MCC: variants seen among roughly 807,000 people sequenced by gnomAD.
The protein encoded by MCC is colorectal mutant cancer protein.
MCC carries 90 observed loss-of-function variants against 116.2 expected under a neutral mutation model. The observed-to-expected ratio is 0.77, with a 90% CI of 0.65 to 0.92. The LOEUF (loss-of-function observed/expected upper bound fraction) is 0.92, where lower values mean the gene tolerates loss of function less well. Among genes scored for constraint, MCC ranks in the 40% least tolerant of loss-of-function variants. The probability of loss-of-function intolerance (pLI) is 0.00; values close to 1 mark genes in which losing one functional copy is unlikely to be tolerated. For synonymous variants in MCC, 578 were observed against 510.5 expected (o/e 1.13, Z -1.78); for missense variants, 1,516 against 1,312.2 (o/e 1.16, Z -2.40).
At chr5:113,284,255 T>A (rs1766161166) in intron 3 of MCC, among the ~76,000 whole-genome samples, 1 of 152,132 alleles carries the variant, frequency 6.6e-6, no homozygotes, top group Non-Finnish European at 1.5e-5. Flanking sequence ...GAGGCTGAGG[T>A]GGGACGATCA....
In MCC at chr5:113,026,292, G is replaced by C. The variant is rs1750543700; in HGVS notation, c.*1010C>G. 1 of 152,200 alleles carries C rather than the reference G, an allele frequency of 6.6e-6. No homozygotes were observed. Among genetic ancestry groups the C allele is most frequent in the Non-Finnish European group, 1.5e-5 (1 of 68,046 alleles). The allele number at this position is 152,200 out of a possible 1,614,324, so 9.4% of individuals were successfully genotyped here. On this transcript the variant is annotated 3_prime_UTR_variant, in exon 19 of 19. Transcript: ENST00000408903. ...GGGGGTTACACAGCACTCTTAAGTA[G>C]GCGTGATAAGTTTTGCAAAATGTTC...
At chr5:113,385,347 T>C in intron 1 of MCC, 135 bp from the exon 2 acceptor site, 1 of 936,862 alleles carries the variant, frequency 1.1e-6, no homozygotes, top group Non-Finnish European at 1.6e-6. Context: ...TCATTGTTTC[T>C]AGAAAAGTGA....
At chr5:113,064,850 T>C (rs1194463481) in intron 13 of MCC, among the ~76,000 whole-genome samples, 1 of 152,182 alleles carries the variant, frequency 6.6e-6, no homozygotes, top group Non-Finnish European at 1.5e-5. Flanking sequence ...TTCACATTCC[T>C]ATTGTGATTT....
In MCC at chr5:113,143,202, G is replaced by A. The variant is rs754750736; in HGVS notation, c.884+16C>T. On this transcript the variant is annotated intron_variant, in intron 5 of 18. Coordinates refer to ENST00000408903, the MANE Select transcript of MCC (RefSeq NM_001085377.2). Reference sequence around the variant, plus strand: ...TAGCAGAAGGGGCAGAGTAAAAGCCGAATGGAGCCGCGTACCTGATGGTGG... The same window carrying A: ...TAGCAGAAGGGGCAGAGTAAAAGCCAAATGGAGCCGCGTACCTGATGGTGG... 7.6e-6 allele frequency: 12 copies of A among 1,584,056 alleles called. No homozygotes were observed. The highest frequency in any genetic ancestry group is 5.7e-5 in the South Asian group (5 of 87,120).
intron 3 of MCC, among the ~76,000 whole-genome samples, chr5:113,197,646 A>G (rs1272778817): frequency 1.3e-5 from 2 of 152,216 alleles, no homozygotes; most frequent in African/African-American, 4.8e-5. Context: ...ATGGCATCAA[A>G]TATTGAAAAC....
chr5:113,233,913 CAT>C (rs1466692072), intron 3 of MCC, among the ~76,000 whole-genome samples: 1 of 152,098 alleles, frequency 6.6e-6, no homozygotes, highest in Non-Finnish European at 1.5e-5. Context: ...GAAAAGAACT[CAT>C]AGGATGGGGA....
At chr5:113,482,743 TAAA>T (rs1205141914) in intron 1 of MCC, among the ~76,000 whole-genome samples, 2 of 152,170 alleles carry the variant, frequency 1.3e-5, no homozygotes, top group African/African-American at 4.8e-5. Flanking sequence ...AGCATAAACT[TAAA>T]AAATTTGCGG....
At chr5:113,187,272 C>G (rs1761938938) in intron 3 of MCC, among the ~76,000 whole-genome samples, 1 of 152,198 alleles carries the variant, frequency 6.6e-6, no homozygotes. Flanking sequence ...CCATGCCCAG[C>G]TCATTTTTGC....
intron 7 of MCC, among the ~76,000 whole-genome samples, chr5:113,103,680 T>C (rs1192731655): frequency 6.6e-6 from 1 of 152,142 alleles, no homozygotes; most frequent in Admixed American, 6.5e-5. Context: ...CTAAGTTACG[T>C]TGAAGGAATA....
intron 3 of MCC, among the ~76,000 whole-genome samples, chr5:113,316,904 C>A (rs796341520): frequency 3.9e-5 from 6 of 152,188 alleles, no homozygotes; most frequent in African/African-American, 1.4e-4. Flanking sequence ...TTAAGCAAAG[C>A]AAAATGGAAA....
chr5:113,282,165 A>G (rs1005789303), intron 3 of MCC, among the ~76,000 whole-genome samples: 2 of 152,344 alleles, frequency 1.3e-5, no homozygotes, highest in South Asian at 4.1e-4. Context: ...AGTTTTACAG[A>G]CAAAGAAACT....
At chr5:113,045,674 C>A (rs1752022921) in intron 16 of MCC, among the ~76,000 whole-genome samples, 1 of 151,950 alleles carries the variant, frequency 6.6e-6, no homozygotes, top group African/African-American at 2.4e-5. Flanking sequence ...TGGCGCACAC[C>A]TGTAGTCCCA....
At chr5:113,418,231 T>C (rs780247506) in intron 1 of MCC, among the ~76,000 whole-genome samples, 8 of 152,046 alleles carry the variant, frequency 5.3e-5, no homozygotes, top group East Asian at 3.9e-4. Flanking sequence ...GGGGTACACG[T>C]TGTGCACATG....
chr5:113,328,780 T>A (rs1001000359), intron 3 of MCC, among the ~76,000 whole-genome samples: 1 of 152,186 alleles, frequency 6.6e-6, no homozygotes, highest in African/African-American at 2.4e-5. Flanking sequence ...TGTGTGTACA[T>A]GTGTGTTTAT....
At chr5:113,237,985 G>A (rs1221263857) in intron 3 of MCC, among the ~76,000 whole-genome samples, 1 of 152,176 alleles carries the variant, frequency 6.6e-6, no homozygotes. Flanking sequence ...GGAAACAGAG[G>A]TGGAGGAAGC....
At chr5:113,067,183 CG>C (rs1275828607) in intron 13 of MCC, among the ~76,000 whole-genome samples, 2 of 151,370 alleles carry the variant, frequency 1.3e-5, no homozygotes, top group Admixed American at 6.6e-5. Flanking sequence ...GTGCAGATCT[CG>C]AGGTACAGGT....
At chr5:113,215,555 G>A (rs896305829) in intron 3 of MCC, among the ~76,000 whole-genome samples, 5 of 152,070 alleles carry the variant, frequency 3.3e-5, no homozygotes, top group African/African-American at 4.8e-5. Context: ...TATAAAAGAC[G>A]GTTCATGGGC....
intron 1 of MCC, among the ~76,000 whole-genome samples, chr5:113,418,692 C>T (rs866821902): frequency 1.3e-5 from 2 of 150,770 alleles, no homozygotes; most frequent in Non-Finnish European, 3.0e-5. Flanking sequence ...TCATTATTAT[C>T]ATCATCATCA....
intron 6 of MCC, among the ~76,000 whole-genome samples, chr5:113,117,016 G>A (rs1757434493): frequency 6.6e-6 from 1 of 152,252 alleles, no homozygotes. Flanking sequence ...TTTCAGTCCG[G>A]TCTAACCCTT....
Sources: gnomAD v4.1 joint callset for allele counts (sites outside exome capture counted in the v4.1 genomes callset) on GRCh38, gnomAD v4.1.1 for gene constraint, MANE v1.5 for transcripts, NCBI Gene and HGNC (gene_info 2026-07-23, HGNC 2026-07-21) for gene names.